The following PDE4D variants were observed in gnomAD, a reference collection of about 807,000 sequenced individuals.
The protein encoded by PDE4D is phosphodiesterase 4D, also known as 3',5'-cyclic-AMP phosphodiesterase 4D.
Under a neutral mutation model 87.4 loss-of-function variants are expected in PDE4D, and 24 were observed. The observed-to-expected ratio is 0.27, with a 90% CI of 0.20 to 0.39. The LOEUF (loss-of-function observed/expected upper bound fraction) is 0.39, where lower values mean the gene tolerates loss of function less well. PDE4D is among the 10% of genes least tolerant of loss of function. The pLI is 1.00. For missense variants in PDE4D, 714 were observed against 1,041.0 expected, an observed-to-expected ratio of 0.69 and a Z score of 4.32; for synonymous variants, 384 against 383.2, an observed-to-expected ratio of 1.00 and a Z score of -0.02.
intron 1 of PDE4D, among the ~76,000 whole-genome samples, chr5:59,473,156 A>T (rs1410981236): frequency 6.6e-6 from 1 of 151,840 alleles, no homozygotes; most frequent in Admixed American, 6.6e-5. Flanking sequence ...AATACAATAC[A>T]TACTGAAAAA....
chr5:60,244,951 C>A (rs1747582694), intron 1 of PDE4D, among the ~76,000 whole-genome samples: 1 of 151,840 alleles, frequency 6.6e-6, no homozygotes, highest in African/African-American at 2.4e-5. Flanking sequence ...AATGAGATCA[C>A]ATCAAGTTAA....
At chr5:60,406,103 GAT>G (rs1258700605) in intron 1 of PDE4D, among the ~76,000 whole-genome samples, 6 of 151,626 alleles carry the variant, frequency 4.0e-5, no homozygotes, top group Non-Finnish European at 8.8e-5. Flanking sequence ...AAATAATAAA[GAT>G]ATTTCCTGCT....
chr5:60,449,068 C>T (rs1028256123), intron 1 of PDE4D, among the ~76,000 whole-genome samples: 2 of 131,112 alleles, frequency 1.5e-5, no homozygotes, highest in African/African-American at 7.2e-5. Context: ...CCCAACTGCC[C>T]GCGCACACAC....
intron 2 of PDE4D, among the ~76,000 whole-genome samples, chr5:60,014,126 C>G (rs1765292283): frequency 1.3e-5 from 2 of 148,640 alleles, no homozygotes; most frequent in African/African-American, 5.0e-5. Context: ...TCTGACCAGT[C>G]TGAATCAGCC....
At chr5:59,158,513 C>A (rs748251260) in intron 5 of PDE4D, among the ~76,000 whole-genome samples, 1 of 152,124 alleles carries the variant, frequency 6.6e-6, no homozygotes, top group Non-Finnish European at 1.5e-5. Context: ...CTCAAAATAG[C>A]AAATGGTGTC....
chr5:59,546,648 C>A (rs1317846434), intron 1 of PDE4D, among the ~76,000 whole-genome samples: 2 of 152,106 alleles, frequency 1.3e-5, no homozygotes, highest in African/African-American at 4.8e-5. Flanking sequence ...TATCTCACAT[C>A]TTTTACCTAG....
At chr5:59,574,816 G>A (rs1344775421) in intron 1 of PDE4D, among the ~76,000 whole-genome samples, 1 of 152,010 alleles carries the variant, frequency 6.6e-6, no homozygotes, top group African/African-American at 2.4e-5. Context: ...GAGAACTATG[G>A]CTTTTTAAAA....
chr5:59,790,939 CA>C (rs1446869016), intron 1 of PDE4D, among the ~76,000 whole-genome samples: 1 of 152,152 alleles, frequency 6.6e-6, no homozygotes, highest in African/African-American at 2.4e-5. Flanking sequence ...GAGCTCACTC[CA>C]CCCTCGCCCT....
chr5:60,329,755 G>A (rs755437501), intron 1 of PDE4D, among the ~76,000 whole-genome samples: 1 of 152,058 alleles, frequency 6.6e-6, no homozygotes, highest in Admixed American at 6.6e-5. Context: ...ACTCTTTACT[G>A]TGCCCACTCT....
chr5:60,316,521 T>C (rs528110421), intron 1 of PDE4D, among the ~76,000 whole-genome samples: 32 of 152,202 alleles, frequency 2.1e-4, no homozygotes, highest in Admixed American at 2.6e-4. Context: ...TCTAACACTA[T>C]GTTGAGTAGG....
chr5:60,115,841 A>G (rs1423249561), intron 2 of PDE4D, among the ~76,000 whole-genome samples: 1 of 152,112 alleles, frequency 6.6e-6, no homozygotes, highest in Non-Finnish European at 1.5e-5. Flanking sequence ...CTTAGGTGAA[A>G]TAAGTGAATT....
chr5:59,495,820 G>T (rs1248797707), intron 1 of PDE4D, among the ~76,000 whole-genome samples: 1 of 152,174 alleles, frequency 6.6e-6, no homozygotes, highest in Admixed American at 6.5e-5. Context: ...ACCTCTAGGG[G>T]AGCATGCAGG....
chr5:60,474,008 G>A (rs1385583754), intron 1 of PDE4D, among the ~76,000 whole-genome samples: 1 of 148,460 alleles, frequency 6.7e-6, no homozygotes, highest in Non-Finnish European at 1.5e-5. Flanking sequence ...TTCTTTCCAA[G>A]TCATCACTCA....
chr5:59,789,404 A>G (rs1001484847), intron 1 of PDE4D, among the ~76,000 whole-genome samples: 7 of 152,232 alleles, frequency 4.6e-5, no homozygotes, highest in Admixed American at 2.0e-4. Flanking sequence ...GCTACCAGAC[A>G]TGTGCTCAAG....
chr5:59,119,617 A>T (rs1198463694), intron 5 of PDE4D, among the ~76,000 whole-genome samples: 1 of 152,200 alleles, frequency 6.6e-6, no homozygotes. Context: ...AAGAAAGCTT[A>T]AAATATGGTG....
chr5:59,678,137 A>G (rs1039452489), intron 1 of PDE4D, among the ~76,000 whole-genome samples: 1 of 151,750 alleles, frequency 6.6e-6, no homozygotes, highest in Admixed American at 6.6e-5. Flanking sequence ...TCTCAAAAAG[A>G]GTAAAAAAAA....
chr5:59,230,497 T>C (rs749641069), intron 1 of PDE4D, among the ~76,000 whole-genome samples: 157 of 152,248 alleles, frequency 1.0e-3, no homozygotes, highest in Non-Finnish European at 1.1e-3. Flanking sequence ...ATTGACTAAA[T>C]AAGAATGATT....
chr5:59,253,817 C>A (rs1203921952), intron 1 of PDE4D, among the ~76,000 whole-genome samples: 1 of 151,794 alleles, frequency 6.6e-6, no homozygotes, highest in Non-Finnish European at 1.5e-5. Flanking sequence ...TCTATGGCAC[C>A]CTAGAAGGAA....
At chr5:60,063,508 T>C (rs1027933030) in intron 2 of PDE4D, among the ~76,000 whole-genome samples, 1 of 152,100 alleles carries the variant, frequency 6.6e-6, no homozygotes. Flanking sequence ...GTGGCTTTCC[T>C]TGCTTGTTCC....
Sources: allele counts gnomAD v4.1 joint callset (sites outside exome capture counted in the v4.1 genomes callset), GRCh38; gene constraint gnomAD v4.1.1; transcripts MANE v1.5; gene names NCBI Gene and HGNC (gene_info 2026-07-23, HGNC 2026-07-21).